The following PHF2 variants were observed in gnomAD, a reference collection of about 807,000 sequenced individuals.
The protein encoded by PHF2 is lysine-specific demethylase PHF2.
A neutral mutation model predicts 120.5 loss-of-function variants in PHF2; 27 were observed. That is an observed-to-expected ratio of 0.22 (90% CI 0.17 to 0.31). PHF2 has a LOEUF of 0.31. Among genes scored for constraint, PHF2 ranks in the 10% least tolerant of loss-of-function variants. PHF2 has a pLI of 1.00. For missense variants in PHF2, 1,024 were observed against 1,434.8 expected, an observed-to-expected ratio of 0.71 and a Z score of 4.63; for synonymous variants, 568 against 592.5, an observed-to-expected ratio of 0.96 and a Z score of 0.60.
intron 14 of PHF2, among the ~76,000 whole-genome samples, chr9:93,664,296 G>A (rs1182147364): frequency 1.3e-5 from 2 of 152,136 alleles, no homozygotes; most frequent in East Asian, 3.9e-4. Flanking sequence ...TTTGGGTGGT[G>A]TGGGCATGCT....
At chr9:93,614,833 GTGGTGATGGTGATAGTAATGATGA>G (rs150175890) in intron 1 of PHF2, among the ~76,000 whole-genome samples, 47,046 of 151,586 alleles carry the variant, frequency 0.31, 8,041 homozygotes, top group South Asian at 0.6. Context: ...AATGACGATG[GTGGTGATGGTGATAGTAATGATGA>G]TGGTGATGAT....
chr9:93,584,083 C>T (rs978100601), intron 1 of PHF2, among the ~76,000 whole-genome samples: 1 of 152,142 alleles, frequency 6.6e-6, no homozygotes, highest in Non-Finnish European at 1.5e-5. Context: ...CTGCCTTGGC[C>T]TCCCAAAGTG....
At chr9:93,591,550 G>T (rs1317342267) in intron 1 of PHF2, among the ~76,000 whole-genome samples, 1 of 152,146 alleles carries the variant, frequency 6.6e-6, no homozygotes, top group Non-Finnish European at 1.5e-5. Context: ...GGCAGGGTGG[G>T]GACCAGAGTC....
chr9:93,671,335 G>A (rs888667669), intron 17 of PHF2: 55 of 346,520 alleles, frequency 1.6e-4, no homozygotes, highest in African/African-American at 1.2e-3. Context: ...TGCAGATGTG[G>A]GTGTGGGAGT....
intron 1 of PHF2, among the ~76,000 whole-genome samples, chr9:93,605,984 C>A (rs766983913): frequency 2.6e-5 from 4 of 151,194 alleles, no homozygotes; most frequent in Non-Finnish European, 5.9e-5. Flanking sequence ...GGTTTTTTTT[C>A]TTTTTTTTCA....
chr9:93,620,757 G>A (rs1825812009), intron 1 of PHF2, among the ~76,000 whole-genome samples: 1 of 152,194 alleles, frequency 6.6e-6, no homozygotes, highest in East Asian at 1.9e-4. Context: ...TGGCTTTAGT[G>A]TGAGGAAAAT....
At chr9:93,658,695 G>A (rs1346152298) in intron 10 of PHF2, among the ~76,000 whole-genome samples, 1 of 152,036 alleles carries the variant, frequency 6.6e-6, no homozygotes, top group Non-Finnish European at 1.5e-5. Flanking sequence ...GGGAGTGCTG[G>A]GGACACCCTG....
At chr9:93,589,234 A>C (rs1236819586) in intron 1 of PHF2, among the ~76,000 whole-genome samples, 1 of 152,238 alleles carries the variant, frequency 6.6e-6, no homozygotes, top group Admixed American at 6.5e-5. Flanking sequence ...ATAAGCAGGC[A>C]GATTTGGGTT....
At position 93,667,073 on chromosome 9, in the gene PHF2, G is replaced by A. The variant is rs201829252; in HGVS notation, c.2188-7G>A. 1.7e-5 allele frequency: 27 copies of A among 1,609,636 alleles called. No homozygotes were observed. The highest frequency in any genetic ancestry group is 1.0e-4 in the Admixed American group (6 of 59,188). On this transcript the variant is annotated splice_region_variant and splice_polypyrimidine_tract_variant and intron_variant, in intron 16 of 21. Transcript: ENST00000359246. The stretch of plus-strand genomic sequence containing the variant: ...CCCTGACCGAAGCCCTGTCCCTCGC[G>A]CAGCAGAGTGATGACTCCTCGGACG...
rs540510780 is a variant in PHF2, at chr9:93,625,865, C to T, written c.99-4105C>T. 7.9e-5 allele frequency among the ~76,000 whole-genome samples: 12 copies of T among 152,186 alleles called. No individual in the cohort carries two copies. In the South Asian group the frequency reaches 2.5e-3, roughly 32 times the overall value. ...TATGTTTAATTTTCTGAGGAAACATCAAATTTTTCCCCACAGTGCTTGCGT... is the reference window on the plus strand; with the variant it reads ...TATGTTTAATTTTCTGAGGAAACATTAAATTTTTCCCCACAGTGCTTGCGT... On this transcript the variant is annotated intron_variant, in intron 1 of 21. Coordinates refer to ENST00000359246, the MANE Select transcript of PHF2 (RefSeq NM_005392.4).
chr9:93,639,247 T>G (rs1050881653), intron 3 of PHF2, among the ~76,000 whole-genome samples: 1 of 152,248 alleles, frequency 6.6e-6, no homozygotes, highest in Non-Finnish European at 1.5e-5. Flanking sequence ...TAAGTTTCTT[T>G]CAAGAATTAT....
chr9:93,603,826 C>T (rs754166507), intron 1 of PHF2, among the ~76,000 whole-genome samples: 3 of 152,210 alleles, frequency 2.0e-5, no homozygotes, highest in Non-Finnish European at 2.9e-5. Context: ...AGAGGCATTC[C>T]TCTCTCCCAT....
At chr9:93,592,359 GC>G (rs2131606333) in intron 1 of PHF2, among the ~76,000 whole-genome samples, 1 of 152,286 alleles carries the variant, frequency 6.6e-6, no homozygotes, top group Admixed American at 6.5e-5. Flanking sequence ...CATTTGGGGA[GC>G]GCAGCATCAT....
In PHF2 at chr9:93,676,902, G is replaced by A; in HGVS notation, c.3141G>A (p.Gly1047=). 3 of 1,582,366 alleles carry A rather than the reference G, an allele frequency of 1.9e-6. No individual in the cohort carries two copies. The highest frequency in any genetic ancestry group is 2.6e-6 in the Non-Finnish European group (3 of 1,163,848). The change falls in exon 21 of 22, where the codon GGG becomes GGA. Residue 1047 remains glycine, a synonymous_variant. Coordinates refer to ENST00000359246, the MANE Select transcript of PHF2 (RefSeq NM_005392.4). The part of the protein sequence containing the change: ...AGRTSQPMAP[G]VFLTQRRPSA... ...GCACCTCCCAGCCCATGGCCCCTGG[G>A]GTCTTTCTCACACAGAGGCGGCCCT...
Position 93,656,344 on chromosome 9 carries a change from A to G in PHF2, c.1041-145A>G, listed in dbSNP as rs1314574738. 1 of 657,050 alleles carries G rather than the reference A, an allele frequency of 1.5e-6. No homozygotes were observed. The highest frequency in any genetic ancestry group is 2.7e-6 in the Non-Finnish European group (1 of 372,700). 40.7% of individuals were successfully genotyped at this position (657,050 alleles called of 1,614,324 possible). On this transcript the variant is annotated intron_variant, in intron 8 of 21. Coordinates refer to ENST00000359246, the MANE Select transcript of PHF2 (RefSeq NM_005392.4). This position sits in a 1 kb window ranked among gnomAD's most constrained non-coding sequence, Gnocchi z 4.1. ...CTCATGGGCCCCGAGGTCTGCAGCC[A>G]CCAGGGCAGTTTTCCCCTGGTCCTC...
chr9:93,671,182 A>G (rs1033113686), intron 17 of PHF2: 1 of 979,842 alleles, frequency 1.0e-6, no homozygotes, highest in Admixed American at 6.2e-5. Flanking sequence ...GTACAGGTGT[A>G]GATGCAGCTG....
At chr9:93,607,581 C>A (rs1047672155) in intron 1 of PHF2, among the ~76,000 whole-genome samples, 3 of 151,446 alleles carry the variant, frequency 2.0e-5, no homozygotes, top group Non-Finnish European at 4.4e-5. Flanking sequence ...CTGTGCCTGG[C>A]CTGGGATATT....
chr9:93,602,982 G>A (rs756477827), intron 1 of PHF2, among the ~76,000 whole-genome samples: 5 of 152,122 alleles, frequency 3.3e-5, no homozygotes, highest in Admixed American at 6.5e-5. Context: ...TGAATGCTGT[G>A]AAGCAAGGGA....
chr9:93,665,911 C>T (rs1170243380), intron 15 of PHF2, 47 bp downstream of exon 15: 2 of 1,612,372 alleles, frequency 1.2e-6, no homozygotes, highest in South Asian at 1.1e-5. Context: ...AGAGGCCCAT[C>T]CTGCCCCGGA....
Sources: allele counts gnomAD v4.1 joint callset (sites outside exome capture counted in the v4.1 genomes callset), GRCh38; gene constraint gnomAD v4.1.1; non-coding constraint Gnocchi (gnomAD v3.1); transcripts MANE v1.5; gene names NCBI Gene and HGNC (gene_info 2026-07-23, HGNC 2026-07-21).